PSG5: variants seen among roughly 807,000 people sequenced by gnomAD.
The protein encoded by PSG5 is pregnancy specific beta-1-glycoprotein 5, also known as pregnancy-specific beta-1-glycoprotein 5.
In PSG5, 53 loss-of-function variants were observed where a neutral mutation model predicts 37.7. The observed-to-expected ratio is 1.41, with a 90% CI of 1.13 to 1.77. The LOEUF is 1.77. Ranked by LOEUF, PSG5 falls within the 40% of genes most tolerant of loss-of-function variation. The probability of loss-of-function intolerance (pLI) is 0.00; values close to 1 mark genes in which losing one functional copy is unlikely to be tolerated. For synonymous variants in PSG5, 221 were observed against 155.4 expected, an observed-to-expected ratio of 1.42 and a Z score of -3.14; for missense variants, 547 against 405.2, an observed-to-expected ratio of 1.35 and a Z score of -3.00.
intron 2 of PSG5, among the ~76,000 whole-genome samples, chr19:43,181,072 G>T (rs1477329441): frequency 6.6e-6 from 1 of 151,466 alleles, no homozygotes; most frequent in Non-Finnish European, 1.5e-5. Context: ...GATGCCAATG[G>T]CTCGTGTGTC....
chr19:43,185,046 G>A lies in PSG5; in HGVS notation c.166C>T (p.His56Tyr). 1.2e-6 allele frequency: 2 copies of A among 1,612,586 alleles called. No homozygotes were observed. The highest frequency in any genetic ancestry group is 1.7e-6 in the Non-Finnish European group (2 of 1,179,190). Residue 56 changes from histidine to tyrosine, a missense_variant, in exon 2 of 6, where the codon CAC becomes TAC. By Grantham distance (83) the His-to-Tyr change is moderately conservative. Coordinates refer to ENST00000342951, the MANE Select transcript of PSG5 (RefSeq NM_002781.4). ...SEGKDVLLLV[H>Y]NLPQNLAGYI... ...CCAGCAAGATTCTGAGGCAAATTGTGGACAAGTAGAAGAACATCCTTCCCC... is the reference window on the plus strand; with the variant it reads ...CCAGCAAGATTCTGAGGCAAATTGTAGACAAGTAGAAGAACATCCTTCCCC...
At chr19:43,171,934 T>C (rs1968913751) in intron 4 of PSG5, among the ~76,000 whole-genome samples, 1 of 147,954 alleles carries the variant, frequency 6.8e-6, no homozygotes, top group Admixed American at 6.8e-5. Flanking sequence ...ATCACACCAC[T>C]GTATTCCATC....
At chr19:43,179,875 G>GCA (rs1969091609) in intron 2 of PSG5, among the ~76,000 whole-genome samples, 1 of 151,324 alleles carries the variant, frequency 6.6e-6, no homozygotes, top group Non-Finnish European at 1.5e-5. Context: ...CAAGACCATT[G>GCA]TTCCCTGTTC....
chr19:43,184,742 C>G lies in PSG5; in HGVS notation c.430+40G>C, dbSNP rs545036927. On this transcript the variant is annotated intron_variant, in intron 2 of 5. Coordinates refer to ENST00000342951, the MANE Select transcript of PSG5 (RefSeq NM_002781.4). ...CTGTGTGTGTGAAGTAGAAATGACC[C>G]CTGTCCCCCAACACCCAGGGATCAT... The G allele has an allele frequency of 4.6e-5, 73 of 1,602,152 alleles. 3 individuals carry two copies. Among genetic ancestry groups the G allele is most frequent in the Middle Eastern group, 3.3e-4 (2 of 6,054 alleles).
intron 4 of PSG5, chr19:43,174,905 A>C (rs1402722930): frequency 1.6e-6 from 2 of 1,229,622 alleles, no homozygotes; most frequent in Non-Finnish European, 2.2e-6. Context: ...TGACATCGAG[A>C]AGCAACTTGA....
At chr19:43,179,052 A>G (rs774143998) in intron 2 of PSG5, 3 of 1,612,620 alleles carry the variant, frequency 1.9e-6, no homozygotes, top group African/African-American at 2.7e-5. Flanking sequence ...CATCCACCAC[A>G]GGTAGCTTGT....
intron 4 of PSG5, among the ~76,000 whole-genome samples, chr19:43,171,949 A>G (rs1375037239): frequency 7.4e-5 from 11 of 148,364 alleles, no homozygotes; most frequent in Non-Finnish European, 1.0e-4. Flanking sequence ...TCCATCCTGG[A>G]CTGGTCTACA....
chr19:43,181,162 A>G (rs188028322), intron 2 of PSG5, among the ~76,000 whole-genome samples: 4 of 151,782 alleles, frequency 2.6e-5, no homozygotes, highest in Non-Finnish European at 4.4e-5. Context: ...CAGTAAAACC[A>G]TTAGATAGCA....
In PSG5 at chr19:43,167,833, C is replaced by G. The variant is rs1968819575; in HGVS notation, c.*411G>C. 3 of 281,584 alleles carry G rather than the reference C, an allele frequency of 1.1e-5. No homozygotes were observed. Among genetic ancestry groups the G allele is most frequent in the East Asian group, 5.7e-5 (1 of 17,526 alleles). 17.4% of individuals were successfully genotyped at this position (281,584 alleles called of 1,614,324 possible). A position where few individuals can be genotyped will look rare whatever the true frequency, so the allele number is the denominator to read the frequency against. On this transcript the variant is annotated 3_prime_UTR_variant, in exon 6 of 6. Coordinates refer to ENST00000342951, the MANE Select transcript of PSG5 (RefSeq NM_002781.4). ...GGGGCACTCAGATAGAGAGCAAAAG[C>G]AAATGTTTCAATTTTTGTTTACAAA...
intron 2 of PSG5, among the ~76,000 whole-genome samples, chr19:43,176,734 A>G (rs1334850824): frequency 2.0e-5 from 3 of 150,428 alleles, no homozygotes; most frequent in Non-Finnish European, 4.4e-5. Context: ...GGAGGCAGAA[A>G]GTGGGGCAGT....
chr19:43,175,271 A>T lies in PSG5; in HGVS notation c.908T>A (p.Val303Asp), dbSNP rs751637023. The change falls in exon 4 of 6, where the codon GTT becomes GAT. Residue 303 changes from valine to aspartate, a missense_variant. Transcript: ENST00000342951. ...TKHRGLYTCS[V>D]RNSATGKESS... Reference sequence around the variant, plus strand: ...TTCCTTGCCAGTAGCTGAGTTACGAACAGAGCAAGTATAGAGCCCTCTATG... The same window carrying T: ...TTCCTTGCCAGTAGCTGAGTTACGATCAGAGCAAGTATAGAGCCCTCTATG... The T allele has an allele frequency of 6.2e-7, 1 of 1,612,766 alleles. No homozygotes were observed. The highest frequency in any genetic ancestry group is 8.5e-7 in the Non-Finnish European group (1 of 1,179,220).
Position 43,183,561 on chromosome 19 carries a change from T to C in PSG5, c.430+1221A>G, listed in dbSNP as rs1461183169. 8.1e-6 allele frequency: 4 copies of C among 491,264 alleles called. No homozygotes were observed. The East Asian group carries it at 2.3e-4, about 28-fold the overall frequency. The allele number at this position is 491,264 out of a possible 1,614,324, so 30.4% of individuals were successfully genotyped here. Reference sequence around the variant, plus strand: ...GGGAAACACAGGATTTCAGGTTCAGTGATGGGGGTTAAGATCTGAGGGGGA... The same window carrying C: ...GGGAAACACAGGATTTCAGGTTCAGCGATGGGGGTTAAGATCTGAGGGGGA... On this transcript the variant is annotated intron_variant, in intron 2 of 5. Transcript: ENST00000342951.
At chr19:43,181,091 C>T (rs961790359) in intron 2 of PSG5, among the ~76,000 whole-genome samples, 5 of 151,456 alleles carry the variant, frequency 3.3e-5, no homozygotes, top group Admixed American at 1.3e-4. Flanking sequence ...TCTCCCCACA[C>T]GTAGAACTCC....
chr19:43,169,079 T>A (rs1968848526), intron 5 of PSG5, among the ~76,000 whole-genome samples: 1 of 151,700 alleles, frequency 6.6e-6, no homozygotes, highest in Non-Finnish European at 1.5e-5. Context: ...CATCCACTTT[T>A]AAAAATGCTT....
At position 43,184,820 on chromosome 19, in the gene PSG5, G is replaced by C. The variant is rs778351679; in HGVS notation, c.392C>G (p.Thr131Ser). 4 of 1,612,392 alleles carry C rather than the reference G, an allele frequency of 2.5e-6. No individual in the cohort carries two copies. Among genetic ancestry groups the C allele is most frequent in the Non-Finnish European group, 1.7e-6 (2 of 1,179,072 alleles). Residue 131 changes from threonine (T) to serine (S), a missense_variant, in exon 2 of 6, where the codon ACT (threonine) becomes AGT (serine). Physicochemically the swap from Thr to Ser is moderately conservative, Grantham distance 58. Coordinates refer to ENST00000342951, the MANE Select transcript of PSG5 (RefSeq NM_002781.4). ...GGTGAAATATCCAGTTACTCCTCTA[G>C]TCCTATCACCTCGCTTTATGATGTG... ...TLHIIKRGDR[T>S]RGVTGYFTFN...
intron 2 of PSG5, among the ~76,000 whole-genome samples, chr19:43,182,512 G>T (rs2883678): frequency 0.67 from 101,229 of 150,444 alleles, 35,291 homozygotes; most frequent in East Asian, 0.99. Flanking sequence ...ATTTCCCTCT[G>T]CCCACATGAT....
intron 2 of PSG5, among the ~76,000 whole-genome samples, chr19:43,181,151 G>C (rs1057147652): frequency 1.3e-5 from 2 of 151,538 alleles, no homozygotes; most frequent in South Asian, 2.1e-4. Flanking sequence ...TGTGGCACAG[G>C]CAGTAAAACC....
intron 1 of PSG5, among the ~76,000 whole-genome samples, chr19:43,186,035 G>A (rs1177983134): frequency 6.6e-6 from 1 of 150,568 alleles, no homozygotes; most frequent in Non-Finnish European, 1.5e-5. Flanking sequence ...GGCGTGCAGT[G>A]GTGCTATCTC....
intron 2 of PSG5, 34 bp downstream of exon 2, chr19:43,184,748 C>A (rs748641530): frequency 1.3e-6 from 2 of 1,557,580 alleles, no homozygotes; most frequent in Admixed American, 1.8e-5. Context: ...GACCCCTGTC[C>A]CCCAACACCC....
Sources: allele counts gnomAD v4.1 joint callset (sites outside exome capture counted in the v4.1 genomes callset), GRCh38; gene constraint gnomAD v4.1.1; transcripts MANE v1.5; gene names NCBI Gene and HGNC (gene_info 2026-07-23, HGNC 2026-07-21).